The following FAM107B variants were observed in gnomAD, a reference collection of about 807,000 sequenced individuals.
FAM107B encodes the protein family with sequence similarity 107 member B.
A neutral mutation model predicts 31.5 loss-of-function variants in FAM107B; 21 were observed. That is an observed-to-expected ratio of 0.67 (90% confidence interval 0.47 to 0.96). The LOEUF is 0.96. Among genes scored for constraint, FAM107B ranks in the 40% least tolerant of loss-of-function variants. The pLI is 0.00. For synonymous variants in FAM107B, 157 were observed against 141.5 expected (o/e 1.11, Z -0.78); for missense variants, 452 against 377.1 (o/e 1.20, Z -1.64).
At chr10:14,739,901 C>A (rs1199060428) in intron 1 of FAM107B, among the ~76,000 whole-genome samples, 4 of 152,192 alleles carry the variant, frequency 2.6e-5, no homozygotes, top group Admixed American at 2.6e-4. Context: ...TGACATCCAA[C>A]TATCTCTAGT....
At chr10:14,615,435 C>T (rs990749460) in intron 2 of FAM107B, among the ~76,000 whole-genome samples, 3 of 152,194 alleles carry the variant, frequency 2.0e-5, no homozygotes, top group Admixed American at 6.5e-5. Context: ...GGACATTAAG[C>T]CTAGGCCTTG....
chr10:14,619,204 G>A (rs1055269547), intron 2 of FAM107B, among the ~76,000 whole-genome samples: 2 of 152,166 alleles, frequency 1.3e-5, no homozygotes, highest in African/African-American at 2.4e-5. Flanking sequence ...CTCACTTTGC[G>A]ATACTTTGTT....
intron 1 of FAM107B, among the ~76,000 whole-genome samples, chr10:14,696,011 C>A (rs747257643): frequency 1.2e-4 from 18 of 152,118 alleles, no homozygotes; most frequent in Non-Finnish European, 2.5e-4. Context: ...ACTTCCAGTA[C>A]CGTGTCAAAT....
At chr10:14,657,846 T>C (rs908659601) in intron 2 of FAM107B, among the ~76,000 whole-genome samples, 7 of 151,962 alleles carry the variant, frequency 4.6e-5, no homozygotes, top group East Asian at 1.9e-4. Flanking sequence ...GGTCTCACTC[T>C]GTCGCCCAGT....
At position 14,530,378 on chromosome 10, in the gene FAM107B, G is replaced by C; in HGVS notation, c.607C>G (p.Arg203Gly). 5 of 1,612,840 alleles carry C rather than the reference G, an allele frequency of 3.1e-6. No individual in the cohort carries two copies. The highest frequency in any genetic ancestry group is 4.2e-6 in the Non-Finnish European group (5 of 1,179,612). ...TCTCTGTGAAGATCTTGATGGTTCC[G>C]GGAGGTTTTTACAGGATTGATCAGT... ...QKLINPVKTS[R>G]NHQDLHRELL... The change falls in exon 3 of 5, where the codon CGG becomes GGG. Residue 203 changes from arginine to glycine, a missense_variant. Physicochemically the swap from Arg to Gly is moderately radical, Grantham distance 125. Coordinates refer to ENST00000181796, the MANE Select transcript of FAM107B (RefSeq NM_031453.4).
At chr10:14,611,038 G>A (rs1408713520) in intron 2 of FAM107B, among the ~76,000 whole-genome samples, 1 of 152,164 alleles carries the variant, frequency 6.6e-6, no homozygotes, top group Non-Finnish European at 1.5e-5. Context: ...AGAATCGAGA[G>A]AAACAGCTGT....
intron 2 of FAM107B, among the ~76,000 whole-genome samples, chr10:14,596,761 G>A (rs1020517719): frequency 5.9e-5 from 9 of 152,134 alleles, no homozygotes; most frequent in Non-Finnish European, 1.2e-4. Context: ...CACACCCGAC[G>A]CCCTGCCTCC....
chr10:14,772,606 C>G (rs1833331602), intron 1 of FAM107B, among the ~76,000 whole-genome samples: 1 of 152,124 alleles, frequency 6.6e-6, no homozygotes, highest in Non-Finnish European at 1.5e-5. Context: ...GCACAGTCAA[C>G]TGCCGCGTGT....
intron 2 of FAM107B, among the ~76,000 whole-genome samples, chr10:14,655,539 C>T (rs973975103): frequency 6.6e-6 from 1 of 152,334 alleles, no homozygotes; most frequent in South Asian, 2.1e-4. Context: ...CCTGCCTCAG[C>T]CTCCCGAGTA....
intron 1 of FAM107B, among the ~76,000 whole-genome samples, chr10:14,689,220 A>C (rs1427612259): frequency 6.6e-6 from 1 of 151,882 alleles, no homozygotes; most frequent in African/African-American, 2.4e-5. Context: ...TCTCTAAAAA[A>C]AATACAAAAA....
intron 2 of FAM107B, among the ~76,000 whole-genome samples, chr10:14,560,467 G>A (rs1029322201): frequency 1.3e-5 from 2 of 152,224 alleles, no homozygotes; most frequent in African/African-American, 4.8e-5. Context: ...ACACCACAGG[G>A]TATTCAAGGA....
chr10:14,678,619 TCCTC>T (rs10561712), intron 1 of FAM107B, among the ~76,000 whole-genome samples: 57,131 of 151,808 alleles, frequency 0.38, 11,169 homozygotes, highest in Non-Finnish European at 0.44. Context: ...TCCTCTCCTC[TCCTC>T]TCCTCTCTCT....
chr10:14,669,568 T>TA (rs531250921), intron 1 of FAM107B, among the ~76,000 whole-genome samples: 5 of 151,768 alleles, frequency 3.3e-5, no homozygotes, highest in African/African-American at 7.3e-5. Context: ...TATTTGGCCA[T>TA]AAAAAAAAGA....
intron 2 of FAM107B, among the ~76,000 whole-genome samples, chr10:14,534,280 A>C (rs1016317369): frequency 2.0e-5 from 3 of 152,100 alleles, no homozygotes; most frequent in Non-Finnish European, 2.9e-5. Context: ...GGGCCGGAGC[A>C]ACCCCCTCCT....
At chr10:14,723,491 T>C (rs1855960430) in intron 1 of FAM107B, 1 of 586,988 alleles carries the variant, frequency 1.7e-6, no homozygotes. Flanking sequence ...TTACAGGAAA[T>C]GGTACCACAC....
chr10:14,726,529 C>A (rs1856040430), intron 1 of FAM107B, among the ~76,000 whole-genome samples: 2 of 152,134 alleles, frequency 1.3e-5, no homozygotes. Context: ...TTCCCCAAGG[C>A]TAAATTTTGG....
At chr10:14,674,005 G>A (rs994810295) in intron 1 of FAM107B, among the ~76,000 whole-genome samples, 1 of 151,764 alleles carries the variant, frequency 6.6e-6, no homozygotes, top group African/African-American at 2.4e-5. Context: ...TTGCTGTTGA[G>A]TTATTTGCGT....
At chr10:14,679,111 T>TA (rs959945430) in intron 1 of FAM107B, among the ~76,000 whole-genome samples, 2 of 151,594 alleles carry the variant, frequency 1.3e-5, no homozygotes, top group African/African-American at 4.9e-5. Context: ...AGTTTCATCA[T>TA]AAAAAAGTCA....
At chr10:14,673,677 G>T (rs901038154) in intron 1 of FAM107B, among the ~76,000 whole-genome samples, 6 of 152,094 alleles carry the variant, frequency 3.9e-5, no homozygotes, top group African/African-American at 1.4e-4. Flanking sequence ...TGGATCATAT[G>T]GTCGTTCTAT....
Sources: gnomAD v4.1 joint callset for allele counts (sites outside exome capture counted in the v4.1 genomes callset) on GRCh38, gnomAD v4.1.1 for gene constraint, MANE v1.5 for transcripts, NCBI Gene and HGNC (gene_info 2026-07-23, HGNC 2026-07-21) for gene names.